The following DOCK11 variants were observed in gnomAD, a reference collection of about 807,000 sequenced individuals.
DOCK11 encodes the protein dedicator of cytokinesis protein 11.
In DOCK11, 70 loss-of-function variants were observed where a neutral mutation model predicts 169.1. The ratio of observed to expected loss-of-function variants is 0.41; its 90% CI spans 0.34 to 0.51. The LOEUF (loss-of-function observed/expected upper bound fraction) is 0.51. DOCK11 is among the 20% of genes least tolerant of loss of function. DOCK11 has a pLI of 0.10. For missense variants in DOCK11, 1,166 were observed against 1,538.8 expected (o/e 0.76, Z 4.05); for synonymous variants, 529 against 541.3 (o/e 0.98, Z 0.32).
At position 118,641,241 on chromosome X, in the gene DOCK11, A is replaced by G. The variant is rs369871489; in HGVS notation, c.4196A>G (p.Asn1399Ser). Residue 1399 changes from asparagine to serine, a missense_variant, in exon 39 of 53, where the codon AAT becomes AGT. Coordinates refer to ENST00000276202, the MANE Select transcript of DOCK11 (RefSeq NM_144658.4). Reference sequence around the variant, plus strand: ...TTCCACCAGGCACTTCTTGAAGGCAATACAGCTACTGAAGTTTCCCTAACA... The same window carrying G: ...TTCCACCAGGCACTTCTTGAAGGCAGTACAGCTACTGAAGTTTCCCTAACA... ...DIFHQALLEG[N>S]TATEVSLTVL... is the part of the protein sequence containing the mutation. 85 of 1,209,314 alleles carry G rather than the reference A, an allele frequency of 7.0e-5. No homozygotes were observed. Among genetic ancestry groups the G allele is most frequent in the Middle Eastern group, 2.3e-4 (1 of 4,326 alleles).
chrX:118,606,870 T>G (rs897704358), intron 24 of DOCK11, among the ~76,000 whole-genome samples: 21 of 110,970 alleles, frequency 1.9e-4, no homozygotes, highest in Admixed American at 1.3e-3. Flanking sequence ...CTGAGCAATC[T>G]ATTAAAAGGG....
In DOCK11 at chrX:118,557,204, G is replaced by C. The variant is rs948065004; in HGVS notation, c.559-4179G>C. Among the ~76,000 whole-genome samples the C allele has an allele frequency of 2.7e-5, 3 of 111,707 alleles. No homozygotes were observed. The Admixed American group carries it at 2.9e-4, about 11-fold the overall frequency. On this transcript the variant is annotated intron_variant, in intron 6 of 52. Coordinates refer to ENST00000276202, the MANE Select transcript of DOCK11 (RefSeq NM_144658.4). ...CTAGAAAGAGACGGCAAATAAAACA[G>C]ATAGATGAATAACATATTTGTATAG...
chrX:118,572,515 G>A, intron 11 of DOCK11, 52 bp downstream of exon 11: 3 of 1,094,678 alleles, frequency 2.7e-6, no homozygotes, highest in East Asian at 3.1e-5. Flanking sequence ...TTAAAGAAAT[G>A]TCTTTCTCAA....
intron 7 of DOCK11, among the ~76,000 whole-genome samples, chrX:118,564,504 A>G (rs2013010801): frequency 8.9e-6 from 1 of 112,038 alleles, no homozygotes; most frequent in African/African-American, 3.2e-5. Context: ...AGCTTGAGAA[A>G]AGGAGGAGAC....
intron 1 of DOCK11, among the ~76,000 whole-genome samples, chrX:118,530,484 C>A (rs1053670738): frequency 8.9e-5 from 10 of 112,506 alleles, no homozygotes; most frequent in Non-Finnish European, 1.5e-4. Context: ...ATTGACTTGG[C>A]ATATGTGGTC....
At chrX:118,665,770 A>G (rs1367396025) in intron 45 of DOCK11, among the ~76,000 whole-genome samples, 2 of 112,298 alleles carry the variant, frequency 1.8e-5, no homozygotes, top group African/African-American at 6.5e-5. Context: ...GTTACATTGA[A>G]ATGAAAAATA....
chrX:118,519,300 C>T (rs2057708194), intron 1 of DOCK11, among the ~76,000 whole-genome samples: 1 of 112,245 alleles, frequency 8.9e-6, no homozygotes, highest in Non-Finnish European at 1.9e-5. Flanking sequence ...GTAATCCCAG[C>T]ACTTTTGGAG....
In DOCK11 at chrX:118,675,941, TACTC is replaced by T; in HGVS notation, c.5207_5210del (p.Thr1736LysfsTer24). ...TGTATATTTTTATTTTTCAGAAACT[TACTC>T]AAGTTTATAGAACTCTTCATGGAGC... On this transcript the variant is annotated frameshift_variant, in exon 47 of 53. Transcript: ENST00000276202. LOFTEE classifies it high-confidence loss of function. The T allele has an allele frequency of 8.8e-7, 1 of 1,132,731 alleles. No individual in the cohort carries two copies. The highest frequency in any genetic ancestry group is 1.2e-6 in the Non-Finnish European group (1 of 844,914). 93.3% of individuals were successfully genotyped at this position (1,132,731 alleles called of 1,213,427 possible). A position where few individuals can be genotyped will look rare whatever the true frequency, so the allele number is the denominator to read the frequency against.
chrX:118,614,645 T>C (rs772963075), intron 28 of DOCK11, 47 bp from the exon 29 acceptor site: 16 of 942,685 alleles, frequency 1.7e-5, no homozygotes, highest in Admixed American at 2.8e-5. Context: ...AAATTTAGAC[T>C]TTTAGAATTA....
At chrX:118,514,644 C>A (rs1231069912) in intron 1 of DOCK11, among the ~76,000 whole-genome samples, 1 of 111,946 alleles carries the variant, frequency 8.9e-6, no homozygotes, top group Non-Finnish European at 1.9e-5. Context: ...CTTCCTTTGC[C>A]CTGTAGTCTA....
chrX:118,626,296 C>G (rs1177100997), intron 32 of DOCK11, among the ~76,000 whole-genome samples: 2 of 110,145 alleles, frequency 1.8e-5, no homozygotes, highest in African/African-American at 6.6e-5. Context: ...GTCTTGAAAT[C>G]CTGACCTCAA....
rs377415967 is a variant in DOCK11, at chrX:118,642,914, A to G, written c.4261-543A>G. Among the ~76,000 whole-genome samples the G allele has an allele frequency of 4.6e-4, 51 of 111,152 alleles. 2 individuals are homozygous for G. In the South Asian group the frequency reaches 0.017, roughly 38 times the overall value. On this transcript the variant is annotated intron_variant, in intron 39 of 52. Coordinates refer to ENST00000276202, the MANE Select transcript of DOCK11 (RefSeq NM_144658.4). ...AATTTGTTGTTTCTTTGCAAGGGAC[A>G]TTTAAACAATTTACATAGTCTGTTC...
intron 36 of DOCK11, among the ~76,000 whole-genome samples, chrX:118,636,690 T>A (rs2015395182): frequency 8.9e-6 from 1 of 112,181 alleles, no homozygotes; most frequent in African/African-American, 3.2e-5. Context: ...AGAAGTAGTA[T>A]CATCTGTCGT....
At chrX:118,635,142 G>C (rs750459507) in intron 35 of DOCK11, among the ~76,000 whole-genome samples, 1 of 112,142 alleles carries the variant, frequency 8.9e-6, no homozygotes, top group Admixed American at 9.4e-5. Flanking sequence ...TGGAAAATTG[G>C]AAGTAACTAA....
At chrX:118,519,403 A>C (rs1383841294) in intron 1 of DOCK11, among the ~76,000 whole-genome samples, 1 of 112,055 alleles carries the variant, frequency 8.9e-6, no homozygotes, top group Non-Finnish European at 1.9e-5. Context: ...CAAAAAAATT[A>C]GCCAGGCGTG....
At chrX:118,679,074 G>T (rs1055597593) in intron 48 of DOCK11, among the ~76,000 whole-genome samples, 1 of 110,279 alleles carries the variant, frequency 9.1e-6, no homozygotes, top group Non-Finnish European at 1.9e-5. Context: ...CTACAGGTGT[G>T]TTACCACCAT....
chrX:118,508,788 C>T (rs2057630980), intron 1 of DOCK11, among the ~76,000 whole-genome samples: 1 of 112,138 alleles, frequency 8.9e-6, no homozygotes, highest in African/African-American at 3.2e-5. Context: ...GGAACTTGGC[C>T]TCCGTCTGTC....
chrX:118,534,634 G>T (rs950521825), intron 1 of DOCK11, among the ~76,000 whole-genome samples: 29 of 112,228 alleles, frequency 2.6e-4, no homozygotes, highest in African/African-American at 9.1e-4. Context: ...CTAAATTAAA[G>T]CTGGGAAGTG....
At chrX:118,597,922 T>G (rs776649142) in intron 21 of DOCK11, 108 bp from the exon 22 acceptor site, 15 of 531,059 alleles carry the variant, frequency 2.8e-5, no homozygotes, top group Non-Finnish European at 4.0e-5. Flanking sequence ...TCTCTTGGTA[T>G]GAAATTAATA....
Sources: gnomAD v4.1 joint callset for allele counts (sites outside exome capture counted in the v4.1 genomes callset) on GRCh38, gnomAD v4.1.1 for gene constraint, MANE v1.5 for transcripts, NCBI Gene and HGNC (gene_info 2026-07-23, HGNC 2026-07-21) for gene names.